Variants in CDC37L1 observed in about 807,000 individuals in gnomAD.
The protein encoded by CDC37L1 is cell division cycle 37 like 1, HSP90 cochaperone, also known as hsp90 co-chaperone Cdc37-like 1.
Under a neutral mutation model 45.9 loss-of-function variants are expected in CDC37L1, and 32 were observed. The ratio of observed to expected loss-of-function variants is 0.70; its 90% CI spans 0.53 to 0.94. The LOEUF is 0.94. Ranked by LOEUF, CDC37L1 falls within the 40% of genes least tolerant of loss-of-function variation. The pLI, the probability that CDC37L1 is intolerant of heterozygous loss-of-function variation, is 0.00. For synonymous variants in CDC37L1, 150 were observed against 133.0 expected (o/e 1.13, Z -0.88); for missense variants, 434 against 405.7 (o/e 1.07, Z -0.60).
intron 5 of CDC37L1, 32 bp from the exon 6 acceptor site, chr9:4,701,832 A>G (rs368670464): frequency 4.0e-4 from 600 of 1,492,790 alleles, no homozygotes; most frequent in Non-Finnish European, 4.9e-4. Flanking sequence ...CTTGAAGAAC[A>G]CAGTCTTTGT....
At chr9:4,688,418 T>G (rs1841270566) in intron 2 of CDC37L1, 95 bp from the exon 3 acceptor site, 2 of 672,968 alleles carry the variant, frequency 3.0e-6, no homozygotes, top group East Asian at 6.2e-5. Flanking sequence ...CCACATATAT[T>G]GTCTATAGGA....
intron 5 of CDC37L1, among the ~76,000 whole-genome samples, 188 bp downstream of exon 5, chr9:4,698,067 G>GC (rs1206873548): frequency 6.6e-6 from 1 of 152,050 alleles, no homozygotes; most frequent in East Asian, 1.9e-4. Flanking sequence ...TATATAAGAG[G>GC]CTGTACTACA....
At chr9:4,699,512 G>A (rs1005284615) in intron 5 of CDC37L1, among the ~76,000 whole-genome samples, 1 of 152,030 alleles carries the variant, frequency 6.6e-6, no homozygotes, top group Non-Finnish European at 1.5e-5. Context: ...ACAGAGTGAT[G>A]TATCTGTTTA....
At chr9:4,691,952 G>A (rs1033864318) in intron 3 of CDC37L1, among the ~76,000 whole-genome samples, 1 of 152,040 alleles carries the variant, frequency 6.6e-6, no homozygotes, top group Non-Finnish European at 1.5e-5. Flanking sequence ...CTGGCTTTAT[G>A]GTCATCAGAG....
rs1438316691 is a variant in CDC37L1 at position 4,682,395 on chromosome 9, C to T, written c.133-2482C>T. ...AGGCTGGAGTGCAGTGGTGCAATCT[C>T]GGCTCACTGCAACCTCTGCCATTCT... On this transcript the variant is annotated intron_variant, in intron 1 of 6. Transcript: ENST00000381854. 6.8e-5 allele frequency among the ~76,000 whole-genome samples: 10 copies of T among 147,874 alleles called. No homozygotes were observed. In the South Asian group the frequency reaches 1.7e-3, roughly 25 times the overall value.
intron 3 of CDC37L1, among the ~76,000 whole-genome samples, 171 bp downstream of exon 3, chr9:4,688,777 T>C (rs1033391667): frequency 1.3e-5 from 2 of 151,880 alleles, no homozygotes; most frequent in Non-Finnish European, 2.9e-5. Flanking sequence ...TTTTTGGTTA[T>C]AAATAAAATT....
In CDC37L1 at chr9:4,688,099, G is replaced by A. The variant is rs369245741; in HGVS notation, c.415-414G>A. ...TACAACCTCTGCCTCCTGGGTTCAC[G>A]CAAGATTCTCCTGCCTCAGCCTCCC... is the stretch of plus-strand genomic sequence containing the variant. On this transcript the variant is annotated intron_variant, in intron 2 of 6. Coordinates refer to ENST00000381854, the MANE Select transcript of CDC37L1 (RefSeq NM_017913.4). 1.4e-4 allele frequency among the ~76,000 whole-genome samples: 21 copies of A among 152,246 alleles called. No individual in the cohort carries two copies. In the South Asian group the frequency reaches 3.3e-3, roughly 24 times the overall value.
chr9:4,696,240 A>G (rs1447470662), intron 3 of CDC37L1, among the ~76,000 whole-genome samples: 1 of 152,264 alleles, frequency 6.6e-6, no homozygotes, highest in African/African-American at 2.4e-5. Flanking sequence ...TTTTGCACCT[A>G]CAGGAAAAGT....
rs1169020602 is a variant in CDC37L1, at chr9:4,679,676, T to C, written c.-92T>C. On this transcript the variant is annotated 5_prime_UTR_variant, in exon 1 of 7. Transcript: ENST00000381854. ...CGGCCCGGACCCCCGGCTGGGCTTC[T>C]GGCTCGGCGCAGCAGGTTCCATTCA... 8.1e-7 allele frequency: 1 copy of C among 1,238,082 alleles called. No individual in the cohort carries two copies. The highest frequency in any genetic ancestry group is 1.1e-6 in the Non-Finnish European group (1 of 912,450). 76.7% of individuals were successfully genotyped at this position (1,238,082 alleles called of 1,614,324 possible).
intron 6 of CDC37L1, chr9:4,703,093 G>A (rs1056573029): frequency 1.9e-5 from 29 of 1,543,812 alleles, no homozygotes; most frequent in Non-Finnish European, 2.4e-5. Flanking sequence ...CAGGCTCCAA[G>A]ATTTTAAGAC....
rs968828581 is a variant in CDC37L1 at position 4,707,324 on chromosome 9, T to A, written c.*1212T>A. 6.7e-6 allele frequency: 1 copy of A among 149,628 alleles called. No individual in the cohort carries two copies. The highest frequency in any genetic ancestry group is 1.5e-5 in the Non-Finnish European group (1 of 67,730). The allele number at this position is 149,628 out of a possible 1,614,324, so 9.3% of individuals were successfully genotyped here. Reference sequence around the variant, plus strand: ...CCTTATTATTGAAGGATTAATCTTATGACTTAACATAAGCTTTGGTTATAT... The same window carrying A: ...CCTTATTATTGAAGGATTAATCTTAAGACTTAACATAAGCTTTGGTTATAT... On this transcript the variant is annotated 3_prime_UTR_variant, in exon 7 of 7. Transcript: ENST00000381854.
Position 4,680,581 on chromosome 9 carries a change from C to T in CDC37L1, c.132+682C>T, listed in dbSNP as rs73395797. ...GGTATTGTGTTTTCAATCCAGCATT[C>T]CTGCCTTCCTGCGACTGAAACGTAT... is the stretch of plus-strand genomic sequence containing the variant. On this transcript the variant is annotated intron_variant, in intron 1 of 6. Transcript: ENST00000381854. Among the ~76,000 whole-genome samples, 264 of 150,356 alleles carry T rather than the reference C, an allele frequency of 1.8e-3. 1 individual carries two copies. The highest frequency in any genetic ancestry group is 5.3e-3 in the African/African-American group (213 of 40,354).
At chr9:4,684,268 G>A (rs796087803) in intron 1 of CDC37L1, among the ~76,000 whole-genome samples, 6 of 152,116 alleles carry the variant, frequency 3.9e-5, no homozygotes, top group South Asian at 2.1e-4. Flanking sequence ...TGGTGACAGA[G>A]CAAGACTCCA....
chr9:4,698,168 G>A (rs1841365377), intron 5 of CDC37L1, among the ~76,000 whole-genome samples: 1 of 152,064 alleles, frequency 6.6e-6, no homozygotes, highest in Non-Finnish European at 1.5e-5. Flanking sequence ...AATACTGAGT[G>A]CCTAATGCAA....
rs1334020794 is a variant in CDC37L1 at position 4,707,950 on chromosome 9, G to T, written c.*1838G>T. The T allele has an allele frequency of 6.6e-6, 1 of 152,206 alleles. No homozygotes were observed. Among genetic ancestry groups the T allele is most frequent in the Non-Finnish European group, 1.5e-5 (1 of 68,024 alleles). The allele number at this position is 152,206 out of a possible 1,614,324, so 9.4% of individuals were successfully genotyped here. On this transcript the variant is annotated 3_prime_UTR_variant, in exon 7 of 7. Coordinates refer to ENST00000381854, the MANE Select transcript of CDC37L1 (RefSeq NM_017913.4). ...GTATTTAATGACTGAAGACTGGCAG[G>T]AGAGAAAGTATCAACAAACTGAGTA...
At chr9:4,680,710 T>C (rs893798336) in intron 1 of CDC37L1, among the ~76,000 whole-genome samples, 2 of 152,178 alleles carry the variant, frequency 1.3e-5, no homozygotes, top group Non-Finnish European at 2.9e-5. Flanking sequence ...CCGTGTGTGT[T>C]TTGGAAGTAT....
At chr9:4,701,327 G>A (rs1400952973) in intron 5 of CDC37L1, among the ~76,000 whole-genome samples, 1 of 152,184 alleles carries the variant, frequency 6.6e-6, no homozygotes, top group Non-Finnish European at 1.5e-5. Context: ...CTTAACTAGA[G>A]CAAGATGGTT....
At chr9:4,687,349 T>C (rs1841256338) in intron 2 of CDC37L1, among the ~76,000 whole-genome samples, 1 of 152,120 alleles carries the variant, frequency 6.6e-6, no homozygotes, top group South Asian at 2.1e-4. Flanking sequence ...ACTTTAAAAA[T>C]CAAACTGTTT....
intron 5 of CDC37L1, among the ~76,000 whole-genome samples, chr9:4,698,650 G>A (rs189079973): frequency 6.6e-6 from 1 of 152,158 alleles, no homozygotes; most frequent in Non-Finnish European, 1.5e-5. Flanking sequence ...TTAACACCCA[G>A]AAATTCTCCT....
Sources: gnomAD v4.1 joint callset for allele counts (sites outside exome capture counted in the v4.1 genomes callset) on GRCh38, gnomAD v4.1.1 for gene constraint, MANE v1.5 for transcripts, NCBI Gene and HGNC (gene_info 2026-07-23, HGNC 2026-07-21) for gene names.